ATP11C: variants seen among roughly 807,000 people sequenced by gnomAD.
The protein encoded by ATP11C is phospholipid-transporting ATPase IG.
In ATP11C, 36 loss-of-function variants were observed where a neutral mutation model predicts 97.4. The ratio of observed to expected loss-of-function variants is 0.37; its 90% CI spans 0.28 to 0.49. The LOEUF (loss-of-function observed/expected upper bound fraction) is 0.49, where lower values mean the gene tolerates loss of function less well. Among genes scored for constraint, ATP11C ranks in the 20% least tolerant of loss-of-function variants. The pLI is 0.98. For synonymous variants in ATP11C, 275 were observed against 290.9 expected, an observed-to-expected ratio of 0.95 and a Z score of 0.56; for missense variants, 730 against 824.6, an observed-to-expected ratio of 0.89 and a Z score of 1.40.
At chrX:139,875,263 G>A (rs1488791334) in intron 1 of ATP11C, among the ~76,000 whole-genome samples, 1 of 109,832 alleles carries the variant, frequency 9.1e-6, no homozygotes. Context: ...CTTCCTTAGG[G>A]TAAGCAGGAT....
chrX:139,810,066 TGTAAAA>T (rs770283296), intron 5 of ATP11C, among the ~76,000 whole-genome samples: 3 of 112,250 alleles, frequency 2.7e-5, no homozygotes, highest in South Asian at 7.3e-4. Context: ...CTTTATAAAA[TGTAAAA>T]GTAAAACGTA....
rs1350755139 is a variant in ATP11C, at chrX:139,731,754, C to A, written c.3290G>T (p.Arg1097Ile). ...LKNVRRRSARRNLSCRRASDS... is the reference protein window; with the variant it reads ...LKNVRRRSARINLSCRRASDS... ...AGATGCCCTTCTACAGCTCAGATTTCTCTGTAATAGTGAGGCAAAGATACT... is the reference window on the plus strand; with the variant it reads ...AGATGCCCTTCTACAGCTCAGATTTATCTGTAATAGTGAGGCAAAGATACT... Residue 1097 changes from arginine (R) to isoleucine (I), a missense_variant and splice_region_variant, in exon 29 of 30, where the codon AGA becomes ATA. Physicochemically the swap from Arg to Ile is moderately conservative, Grantham distance 97. Coordinates refer to ENST00000682941, the MANE Select transcript of ATP11C (RefSeq NM_001353812.2). 1.0e-5 allele frequency: 12 copies of A among 1,159,472 alleles called. No homozygotes were observed. The highest frequency in any genetic ancestry group is 1.4e-5 in the Non-Finnish European group (12 of 856,095).
At chrX:139,898,285 T>C (rs2084843063) in intron 1 of ATP11C, among the ~76,000 whole-genome samples, 1 of 111,577 alleles carries the variant, frequency 9.0e-6, no homozygotes, top group Non-Finnish European at 1.9e-5. Context: ...TTCAGATCAA[T>C]AGCTCAGTCA....
chrX:139,916,228 T>A (rs868630442), intron 1 of ATP11C, among the ~76,000 whole-genome samples: 5 of 91,849 alleles, frequency 5.4e-5, no homozygotes, highest in East Asian at 3.5e-4. Flanking sequence ...GACTCTGTCT[T>A]AAAAAAAAAA....
At chrX:139,803,735 G>C (rs1301582754) in intron 6 of ATP11C, among the ~76,000 whole-genome samples, 1 of 72,380 alleles carries the variant, frequency 1.4e-5, no homozygotes, top group African/African-American at 6.0e-5. Flanking sequence ...GACTCACCCT[G>C]TCACCTAGGC....
intron 1 of ATP11C, among the ~76,000 whole-genome samples, chrX:139,919,248 A>C (rs2085209197): frequency 9.2e-6 from 1 of 109,153 alleles, no homozygotes; most frequent in Non-Finnish European, 1.9e-5. Context: ...GTCTCAAAAA[A>C]ACACACACAT....
intron 5 of ATP11C, 99 bp downstream of exon 5, chrX:139,814,779 C>T (rs755733275): frequency 4.7e-5 from 22 of 464,649 alleles, no homozygotes; most frequent in African/African-American, 1.3e-4. Flanking sequence ...ATAGAGTTAA[C>T]GGTTGCACAA....
chrX:139,796,976 T>A (rs1311516663), intron 11 of ATP11C, among the ~76,000 whole-genome samples, 200 bp downstream of exon 11: 2 of 111,180 alleles, frequency 1.8e-5, no homozygotes, highest in Non-Finnish European at 3.8e-5. Flanking sequence ...AAATAAAAGT[T>A]TTTTTTACAA....
In ATP11C at chrX:139,741,006, CA is replaced by C; in HGVS notation, c.3118del (p.Trp1040GlyfsTer31). 1 of 1,195,622 alleles carries C rather than the reference CA, an allele frequency of 8.4e-7. No individual in the cohort carries two copies. Among genetic ancestry groups the C allele is most frequent in the South Asian group, 1.8e-5 (1 of 56,481 alleles). ...LAFYVFFSFF[W>X]GGIIWPFLKQ... ...AATTGCTTACCAAATAATTCCTCCC[CA>C]GAAGAATGAGAAAAATACATAGAAG... is the stretch of plus-strand genomic sequence containing the variant. On this transcript the variant is annotated frameshift_variant, in exon 27 of 30. Transcript: ENST00000682941. LOFTEE classifies it high-confidence loss of function.
chrX:139,816,103 A>G (rs958878736), intron 4 of ATP11C, among the ~76,000 whole-genome samples: 2 of 112,043 alleles, frequency 1.8e-5, no homozygotes, highest in African/African-American at 3.2e-5. Context: ...TAGGCAAGAT[A>G]TAAGACCAGA....
chrX:139,818,347 C>G (rs2083331975), intron 3 of ATP11C, among the ~76,000 whole-genome samples: 1 of 111,729 alleles, frequency 9.0e-6, no homozygotes, highest in Admixed American at 9.5e-5. Flanking sequence ...ATTGTACCTG[C>G]TACCATTTTT....
At chrX:139,753,966 A>T (rs1208326890) in intron 23 of ATP11C, among the ~76,000 whole-genome samples, 1 of 111,144 alleles carries the variant, frequency 9.0e-6, no homozygotes, top group Non-Finnish European at 1.9e-5. Context: ...ACAAGAAATA[A>T]CCCAAATCAG....
At chrX:139,829,272 T>C (rs1423068088) in intron 1 of ATP11C, among the ~76,000 whole-genome samples, 1 of 111,601 alleles carries the variant, frequency 9.0e-6, no homozygotes, top group African/African-American at 3.3e-5. Context: ...GTAGGTGTCT[T>C]TTCCGTGCCT....
chrX:139,913,673 C>A (rs1286106136), intron 1 of ATP11C, among the ~76,000 whole-genome samples: 1 of 111,136 alleles, frequency 9.0e-6, no homozygotes, highest in Non-Finnish European at 1.9e-5. Flanking sequence ...AGAGAACAAC[C>A]CCCTTTGACT....
chrX:139,731,163 C>T (rs2081333639), intron 29 of ATP11C, among the ~76,000 whole-genome samples: 1 of 111,574 alleles, frequency 9.0e-6, no homozygotes. Flanking sequence ...ACAGTACCTG[C>T]AAACACACAG....
rs2081289141 is a variant in ATP11C, at chrX:139,728,719, T to C, written c.*247A>G. The C allele has an allele frequency of 8.4e-6, 3 of 359,115 alleles. No individual in the cohort carries two copies. Among genetic ancestry groups the C allele is most frequent in the Middle Eastern group, 7.1e-4 (1 of 1,409 alleles). 29.6% of individuals were successfully genotyped at this position (359,115 alleles called of 1,213,427 possible). On this transcript the variant is annotated 3_prime_UTR_variant, in exon 30 of 30. Transcript: ENST00000682941. ...ATTCTTGCTTTCAACTTTCATATAA[T>C]TCTTAACTTACAGCTTTGGCCATAA...
chrX:139,833,410 G>A (rs1396354271), intron 1 of ATP11C, among the ~76,000 whole-genome samples: 4 of 111,635 alleles, frequency 3.6e-5, no homozygotes, highest in African/African-American at 1.3e-4. Context: ...GGCGGGGGGC[G>A]CATTCTTCCT....
At chrX:139,901,782 A>C (rs1162258321) in intron 1 of ATP11C, among the ~76,000 whole-genome samples, 1 of 111,871 alleles carries the variant, frequency 8.9e-6, no homozygotes, top group African/African-American at 3.3e-5. Flanking sequence ...TTGACAGAGA[A>C]GTAGAATGGG....
chrX:139,809,501 G>C (rs1483045759), intron 5 of ATP11C, among the ~76,000 whole-genome samples: 1 of 112,153 alleles, frequency 8.9e-6, no homozygotes, highest in South Asian at 3.7e-4. Flanking sequence ...TAATAGAATA[G>C]AGGCCACAAG....
Sources: gnomAD v4.1 joint callset for allele counts (sites outside exome capture counted in the v4.1 genomes callset) on GRCh38, gnomAD v4.1.1 for gene constraint, MANE v1.5 for transcripts, NCBI Gene and HGNC (gene_info 2026-07-23, HGNC 2026-07-21) for gene names.